The following ENTREP2 variants were observed in gnomAD, a reference collection of about 807,000 sequenced individuals.
ENTREP2 encodes the protein endosomal transmembrane epsin interactor 2, also known as protein ENTREP2.
chr15:29,671,288 A>T, the ENTREP2 span, among the ~76,000 whole-genome samples: 1 of 152,174 alleles, frequency 6.6e-6, no homozygotes, highest in Admixed American at 6.5e-5. Flanking sequence ...GGTAATAGTA[A>T]ATAAGTGTTT....
chr15:29,268,423 G>GTA, the ENTREP2 span: 1 of 222,190 alleles, frequency 4.5e-6, no homozygotes, highest in Non-Finnish European at 8.5e-6. Context: ...ACAAACTGGG[G>GTA]TAGTTAGGAG....
At chr15:29,586,191 T>G in the ENTREP2 span, among the ~76,000 whole-genome samples, 2 of 152,116 alleles carry the variant, frequency 1.3e-5, no homozygotes, top group Non-Finnish European at 2.9e-5. Context: ...TTGAAAATAT[T>G]ATGCTAAGTG....
the ENTREP2 span, among the ~76,000 whole-genome samples, chr15:29,316,958 C>T: frequency 6.6e-6 from 1 of 152,148 alleles, no homozygotes; most frequent in Admixed American, 6.5e-5. Flanking sequence ...CAAAGCCTGT[C>T]ATATAGCAGA....
the ENTREP2 span, among the ~76,000 whole-genome samples, chr15:29,435,448 G>C: frequency 6.6e-6 from 1 of 152,106 alleles, no homozygotes; most frequent in Non-Finnish European, 1.5e-5. Context: ...TGCATCCTGG[G>C]TGATGCTTGG....
chr15:29,236,371 C>A, the ENTREP2 span, among the ~76,000 whole-genome samples: 3 of 152,246 alleles, frequency 2.0e-5, no homozygotes, highest in Non-Finnish European at 4.4e-5. Context: ...GGAAGCCAGG[C>A]ACAATGGCTC....
chr15:29,355,954 A>C, the ENTREP2 span, among the ~76,000 whole-genome samples: 1 of 152,142 alleles, frequency 6.6e-6, no homozygotes, highest in Non-Finnish European at 1.5e-5. Flanking sequence ...AGAATAAAAA[A>C]TGCTAATTTA....
the ENTREP2 span, among the ~76,000 whole-genome samples, chr15:29,232,467 C>CT: frequency 8.3e-3 from 1,187 of 143,836 alleles, 13 homozygotes; most frequent in African/African-American, 0.027. Context: ...CATCTGCCTT[C>CT]TTTTTTTTTT....
the ENTREP2 span, among the ~76,000 whole-genome samples, chr15:29,419,743 G>A: frequency 6.6e-6 from 1 of 152,248 alleles, no homozygotes; most frequent in South Asian, 2.1e-4. Context: ...AAAAAGACTG[G>A]TAGTCATTTT....
At chr15:29,342,945 G>A in the ENTREP2 span, among the ~76,000 whole-genome samples, 7 of 146,856 alleles carry the variant, frequency 4.8e-5, no homozygotes, top group South Asian at 1.1e-3. Context: ...ATTTAGCCAC[G>A]TAAAAGTTTT....
At chr15:29,648,146 A>G in the ENTREP2 span, among the ~76,000 whole-genome samples, 2 of 152,168 alleles carry the variant, frequency 1.3e-5, no homozygotes, top group Non-Finnish European at 2.9e-5. Context: ...CTGAAGCAAA[A>G]AGGAGGTGCC....
chr15:29,353,238 T>C, the ENTREP2 span, among the ~76,000 whole-genome samples: 3 of 152,136 alleles, frequency 2.0e-5, no homozygotes, highest in African/African-American at 7.2e-5. Context: ...GTTTTTGTCT[T>C]TAGTCTCTTA....
chr15:29,210,636 C>G, the ENTREP2 span, among the ~76,000 whole-genome samples: 9 of 152,310 alleles, frequency 5.9e-5, no homozygotes, highest in African/African-American at 1.9e-4. Context: ...GACCTGGACC[C>G]TCCCCCAGTT....
the ENTREP2 span, among the ~76,000 whole-genome samples, chr15:29,124,229 G>A: frequency 8.5e-5 from 13 of 152,208 alleles, no homozygotes; most frequent in African/African-American, 3.1e-4. Context: ...ACACTGGGCT[G>A]AGGGTCCCTG....
chr15:29,157,649 T>C, the ENTREP2 span, among the ~76,000 whole-genome samples: 1 of 152,130 alleles, frequency 6.6e-6, no homozygotes, highest in East Asian at 1.9e-4. Flanking sequence ...TGCTGGTGAA[T>C]GAAGTCATAA....
chr15:29,442,486 CA>C, the ENTREP2 span, among the ~76,000 whole-genome samples: 1 of 152,188 alleles, frequency 6.6e-6, no homozygotes, highest in Non-Finnish European at 1.5e-5. Context: ...TTTTTCATAT[CA>C]AAGAGGGGGA....
At chr15:29,165,283 C>A in the ENTREP2 span, among the ~76,000 whole-genome samples, 1 of 151,888 alleles carries the variant, frequency 6.6e-6, no homozygotes, top group Non-Finnish European at 1.5e-5. Context: ...ACAAGAAAAA[C>A]CAAACCCAAA....
At chr15:29,398,082 T>C in the ENTREP2 span, among the ~76,000 whole-genome samples, 1 of 150,730 alleles carries the variant, frequency 6.6e-6, no homozygotes, top group Non-Finnish European at 1.5e-5. Flanking sequence ...AGGTTCTCCC[T>C]GACTTCAAGG....
chr15:29,245,404 G>A, the ENTREP2 span, among the ~76,000 whole-genome samples: 1 of 152,038 alleles, frequency 6.6e-6, no homozygotes, highest in Non-Finnish European at 1.5e-5. Flanking sequence ...TAATCTTGGA[G>A]TGGGAAAGGC....
At chr15:29,478,085 C>T in the ENTREP2 span, among the ~76,000 whole-genome samples, 14 of 125,088 alleles carry the variant, frequency 1.1e-4, no homozygotes, top group South Asian at 2.7e-4. Context: ...AGTGCAGTGG[C>T]GTGATCTCAG....
Sources: allele counts gnomAD v4.1 joint callset (sites outside exome capture counted in the v4.1 genomes callset), GRCh38; gene constraint gnomAD v4.1.1; transcripts MANE v1.5; gene names NCBI Gene and HGNC (gene_info 2026-07-23, HGNC 2026-07-21).